DNAH14: variants seen among roughly 807,000 people sequenced by gnomAD.
The protein encoded by DNAH14 is dynein axonemal heavy chain 14.
DNAH14 carries 478 observed loss-of-function variants against 520.9 expected under a neutral mutation model. That is an observed-to-expected ratio of 0.92 (90% CI 0.85 to 0.99). DNAH14 has a LOEUF of 0.99. Among genes scored for constraint, DNAH14 ranks in the 50% least tolerant of loss-of-function variants. DNAH14 has a pLI of 0.00. For missense variants in DNAH14, 4,831 were observed against 5,234.5 expected, an observed-to-expected ratio of 0.92 and a Z score of 2.38; for synonymous variants, 1,581 against 1,757.2, an observed-to-expected ratio of 0.90 and a Z score of 2.51.
At chr1:225,248,738 G>T (rs2092415090) in intron 43 of DNAH14, among the ~76,000 whole-genome samples, 1 of 152,126 alleles carries the variant, frequency 6.6e-6, no homozygotes, top group African/African-American at 2.4e-5. Flanking sequence ...GGAAGGATCT[G>T]CAATGACATA....
At chr1:225,176,472 A>G (rs751016766) in intron 36 of DNAH14, among the ~76,000 whole-genome samples, 3 of 152,212 alleles carry the variant, frequency 2.0e-5, no homozygotes, top group Non-Finnish European at 2.9e-5. Context: ...TCTAGATTGC[A>G]GTTTAACTCT....
intron 27 of DNAH14, among the ~76,000 whole-genome samples, chr1:225,126,321 G>A (rs1200238433): frequency 6.6e-6 from 1 of 152,146 alleles, no homozygotes; most frequent in African/African-American, 2.4e-5. Flanking sequence ...GAATTCGGCT[G>A]TGAATCCATC....
intron 75 of DNAH14, among the ~76,000 whole-genome samples, chr1:225,362,933 A>G (rs968832601): frequency 4.6e-5 from 7 of 152,312 alleles, no homozygotes; most frequent in African/African-American, 1.7e-4. Flanking sequence ...AGAAGGAGGA[A>G]AAAACAAAAG....
chr1:225,219,326 C>T (rs912645490), intron 41 of DNAH14, among the ~76,000 whole-genome samples: 15 of 150,398 alleles, frequency 1.0e-4, no homozygotes, highest in African/African-American at 3.7e-4. Flanking sequence ...CAGAGCAGAA[C>T]TGAAGGAAAT....
rs545586154 is a variant in DNAH14, at chr1:225,232,397, G to T, written c.6518+1246G>T. 1.3e-5 allele frequency among the ~76,000 whole-genome samples: 2 copies of T among 151,256 alleles called. No homozygotes were observed. The highest frequency in any genetic ancestry group is 4.2e-4 in the South Asian group (2 of 4,742). On this transcript the variant is annotated intron_variant, in intron 42 of 85. Transcript: ENST00000682510. The surrounding 1 kb of genome is among the most constrained non-coding windows in gnomAD (Gnocchi z 4.2). ...ATTAATGTGCTTGTACATGTCTCTT[G>T]GTACTTATATGCAATAGTCAATCTT...
chr1:225,394,827 G>C (rs1341650185), intron 84 of DNAH14, among the ~76,000 whole-genome samples: 1 of 148,010 alleles, frequency 6.8e-6, no homozygotes, highest in Non-Finnish European at 1.5e-5. Flanking sequence ...CTGGGTGACA[G>C]AGAGAGACTC....
At chr1:225,312,770 C>T (rs1252350571) in intron 60 of DNAH14, among the ~76,000 whole-genome samples, 1 of 152,132 alleles carries the variant, frequency 6.6e-6, no homozygotes. Context: ...TATGTTCAAC[C>T]AACCTTGCGT....
At chr1:224,936,793 G>A (rs1280621075) in intron 1 of DNAH14, among the ~76,000 whole-genome samples, 2 of 151,970 alleles carry the variant, frequency 1.3e-5, no homozygotes, top group African/African-American at 2.4e-5. Flanking sequence ...AAGTATCACT[G>A]ATGAAGATAG....
At chr1:225,140,391 A>G (rs1454033146) in intron 27 of DNAH14, among the ~76,000 whole-genome samples, 1 of 152,186 alleles carries the variant, frequency 6.6e-6, no homozygotes, top group Admixed American at 6.5e-5. Context: ...TCTGAAAACT[A>G]TGACTACATA....
At chr1:225,304,844 A>G (rs1328453652) in intron 57 of DNAH14, 64 bp from the exon 58 acceptor site, 2 of 1,351,608 alleles carry the variant, frequency 1.5e-6, no homozygotes, top group Non-Finnish European at 9.9e-7. Flanking sequence ...TAAGTGTTCA[A>G]CTTTCTCTTT....
At chr1:225,307,004 C>T (rs2094259053) in intron 58 of DNAH14, among the ~76,000 whole-genome samples, 1 of 151,868 alleles carries the variant, frequency 6.6e-6, no homozygotes, top group South Asian at 2.1e-4. Context: ...TCTTTCCCAC[C>T]CCGAAACTTA....
Position 225,153,771 on chromosome 1 carries a change from A to G in DNAH14, c.5218A>G (p.Arg1740Gly), listed in dbSNP as rs190061594. 3.0e-4 allele frequency: 465 copies of G among 1,548,852 alleles called. 1 individual carries two copies. The East Asian group carries it at 4.5e-3, about 15-fold the overall frequency. ...ATAGGATCATTATAATTTTGGCTTG[A>G]GATCTCTGAAGATAGTTTTAATAAT... is the stretch of plus-strand genomic sequence containing the variant. ...SQQDHYNFGLRSLKIVLIMAG... is the reference protein window; with the variant it reads ...SQQDHYNFGLGSLKIVLIMAG... Residue 1740 changes from arginine to glycine, a missense_variant, in exon 34 of 86, where the codon AGA (arginine) becomes GGA (glycine). By Grantham distance (125) the Arg-to-Gly change is moderately radical. Coordinates refer to ENST00000682510, the MANE Select transcript of DNAH14 (RefSeq NM_001367479.1).
intron 30 of DNAH14, 67 bp downstream of exon 30, chr1:225,145,446 G>A: frequency 1.6e-6 from 2 of 1,228,328 alleles, no homozygotes; most frequent in South Asian, 1.8e-5. Flanking sequence ...ATTCATTGAA[G>A]AATAAAAGAA....
chr1:224,991,846 C>T (rs1296667413), intron 8 of DNAH14, among the ~76,000 whole-genome samples: 1 of 152,062 alleles, frequency 6.6e-6, no homozygotes, highest in Non-Finnish European at 1.5e-5. Context: ...GTGAATAATG[C>T]TGCAATGAAC....
intron 17 of DNAH14, among the ~76,000 whole-genome samples, chr1:225,069,919 C>T (rs1334956943): frequency 6.6e-6 from 1 of 152,046 alleles, no homozygotes; most frequent in Non-Finnish European, 1.5e-5. Context: ...TCAATTTCTT[C>T]CTGGTTTAGT....
chr1:225,269,235 T>G (rs527427254), intron 49 of DNAH14, among the ~76,000 whole-genome samples: 2 of 152,190 alleles, frequency 1.3e-5, no homozygotes, highest in Non-Finnish European at 2.9e-5. Context: ...GGGTAAGGAT[T>G]CCCTATTTAA....
intron 1 of DNAH14, among the ~76,000 whole-genome samples, chr1:224,938,357 A>T (rs2059177537): frequency 6.6e-6 from 1 of 152,198 alleles, no homozygotes; most frequent in African/African-American, 2.4e-5. Context: ...GCGAAAAAAC[A>T]AAAGGATTAA....
chr1:225,054,137 C>G (rs1163123938), intron 17 of DNAH14, among the ~76,000 whole-genome samples: 1 of 152,176 alleles, frequency 6.6e-6, no homozygotes, highest in East Asian at 1.9e-4. Context: ...CTCTCTCCTT[C>G]TGTCTCCTAC....
chr1:225,032,602 C>T (rs1207876704), intron 11 of DNAH14, among the ~76,000 whole-genome samples: 1 of 151,928 alleles, frequency 6.6e-6, no homozygotes, highest in Non-Finnish European at 1.5e-5. Flanking sequence ...TACTCAATAA[C>T]GGGACTGCTG....
Sources: allele counts gnomAD v4.1 joint callset (sites outside exome capture counted in the v4.1 genomes callset), GRCh38; gene constraint gnomAD v4.1.1; non-coding constraint Gnocchi (gnomAD v3.1); transcripts MANE v1.5; gene names NCBI Gene and HGNC (gene_info 2026-07-23, HGNC 2026-07-21).